Variants in PPP1R12B observed in about 807,000 individuals in gnomAD.
PPP1R12B encodes the protein protein phosphatase 1 regulatory subunit 12B.
A neutral mutation model predicts 126.1 loss-of-function variants in PPP1R12B; 76 were observed. The observed-to-expected ratio is 0.60, with a 90% CI of 0.50 to 0.73. PPP1R12B has a LOEUF of 0.73. Among genes scored for constraint, PPP1R12B ranks in the 30% least tolerant of loss-of-function variants. PPP1R12B has a pLI of 0.00. For synonymous variants in PPP1R12B, 356 were observed against 434.7 expected (o/e 0.82, Z 2.25); for missense variants, 1,052 against 1,205.1 (o/e 0.87, Z 1.88).
intron 1 of PPP1R12B, among the ~76,000 whole-genome samples, chr1:202,407,967 A>G (rs1046246137): frequency 6.6e-6 from 1 of 152,208 alleles, no homozygotes; most frequent in Non-Finnish European, 1.5e-5. Flanking sequence ...GACTATTTAC[A>G]TAGTATTTAC....
At chr1:202,553,654 T>C (rs932192914) in intron 18 of PPP1R12B, among the ~76,000 whole-genome samples, 2 of 152,158 alleles carry the variant, frequency 1.3e-5, no homozygotes, top group African/African-American at 2.4e-5. Context: ...TGCCAGAGCA[T>C]AGATAAGATG....
intron 13 of PPP1R12B, chr1:202,473,936 A>C (rs747285468): frequency 1.9e-6 from 1 of 532,930 alleles, no homozygotes; most frequent in South Asian, 1.4e-5. Context: ...TCTGCTATGC[A>C]GGCCTGCTCG....
chr1:202,512,211 G>C (rs902417131), intron 18 of PPP1R12B, among the ~76,000 whole-genome samples: 3 of 152,200 alleles, frequency 2.0e-5, no homozygotes, highest in Non-Finnish European at 4.4e-5. Context: ...TGAATCTCTT[G>C]TTGTGAAAGT....
At chr1:202,569,096 T>A (rs1037449453) in intron 22 of PPP1R12B, 51 bp from the exon 23 acceptor site, 2 of 1,587,148 alleles carry the variant, frequency 1.3e-6, no homozygotes, top group East Asian at 2.2e-5. Flanking sequence ...GCAGCATTTT[T>A]ACTCCCTTCT....
At position 202,473,000 on chromosome 1, in the gene PPP1R12B, T is replaced by C. The variant is rs1676143058; in HGVS notation, c.1851-15533T>C. Reference sequence around the variant, plus strand: ...TTGGCCCTTTACAGACAAAATTTGCTGACTTCAGCCCCTGCAAACTCAGCA... The same window carrying C: ...TTGGCCCTTTACAGACAAAATTTGCCGACTTCAGCCCCTGCAAACTCAGCA... On this transcript the variant is annotated intron_variant, in intron 13 of 23. Transcript: ENST00000608999. 3.3e-5 allele frequency among the ~76,000 whole-genome samples: 5 copies of C among 152,242 alleles called. No individual in the cohort carries two copies. The South Asian group carries it at 1.0e-3, about 31-fold the overall frequency.
intron 23 of PPP1R12B, among the ~76,000 whole-genome samples, chr1:202,570,947 A>G (rs890504326): frequency 6.6e-6 from 1 of 152,184 alleles, no homozygotes; most frequent in East Asian, 1.9e-4. Context: ...AGTGTTCCTT[A>G]TTAAGAAATG....
intron 13 of PPP1R12B, among the ~76,000 whole-genome samples, chr1:202,479,511 A>G (rs1266763665): frequency 6.6e-6 from 1 of 152,228 alleles, no homozygotes; most frequent in Admixed American, 6.5e-5. Flanking sequence ...TGAGAAACTG[A>G]ACAAGATTTT....
chr1:202,491,975 T>G (rs17492329), intron 14 of PPP1R12B, among the ~76,000 whole-genome samples: 2 of 152,080 alleles, frequency 1.3e-5, no homozygotes, highest in Non-Finnish European at 2.9e-5. Context: ...CCTCCAACTT[T>G]CCTTTTTTTG....
intron 9 of PPP1R12B, among the ~76,000 whole-genome samples, chr1:202,437,401 A>T (rs770942294): frequency 2.4e-4 from 36 of 152,190 alleles, no homozygotes; most frequent in Non-Finnish European, 4.1e-4. Flanking sequence ...ATAAGGAGGG[A>T]TTAAGCTCAT....
intron 1 of PPP1R12B, among the ~76,000 whole-genome samples, chr1:202,390,903 C>A (rs1664047880): frequency 6.6e-6 from 1 of 152,088 alleles, no homozygotes. Context: ...TCTCTACAAA[C>A]AATTTGAAAA....
Position 202,465,468 on chromosome 1 carries a change from G to A in PPP1R12B, c.1850+16297G>A, listed in dbSNP as rs181354616. 3.6e-3 allele frequency among the ~76,000 whole-genome samples: 548 copies of A among 152,302 alleles called. 2 individuals are homozygous for A. The highest frequency in any genetic ancestry group is 0.013 in the African/African-American group (525 of 41,586). ...AACTTGCTAGCCTCTCTGAAATCTA[G>A]ATGGGAAATAGGGTTTTTTTGTTTT... On this transcript the variant is annotated intron_variant, in intron 13 of 23. Coordinates refer to ENST00000608999, the MANE Select transcript of PPP1R12B (RefSeq NM_002481.4).
intron 1 of PPP1R12B, among the ~76,000 whole-genome samples, chr1:202,390,267 A>G (rs1365320236): frequency 2.0e-5 from 3 of 152,232 alleles, no homozygotes; most frequent in African/African-American, 4.8e-5. Flanking sequence ...CACACCATAC[A>G]AAAGTTAAAA....
chr1:202,501,803 A>G (rs1680252878), intron 18 of PPP1R12B: 1 of 965,710 alleles, frequency 1.0e-6, no homozygotes, highest in African/African-American at 1.8e-5. Flanking sequence ...CAAACCTGAA[A>G]TTAGGACTTA....
intron 15 of PPP1R12B, 105 bp from the exon 16 acceptor site, chr1:202,495,188 C>T: frequency 2.2e-6 from 2 of 913,498 alleles, no homozygotes; most frequent in South Asian, 5.3e-5. Context: ...TCATCATCTA[C>T]TCATAAGCCC....
intron 12 of PPP1R12B, 94 bp downstream of exon 12, chr1:202,442,666 G>A (rs537624460): frequency 1.2e-5 from 15 of 1,278,352 alleles, no homozygotes; most frequent in Admixed American, 2.8e-5. Context: ...AATTAACACC[G>A]CAGAAATGAA....
intron 18 of PPP1R12B, among the ~76,000 whole-genome samples, chr1:202,538,103 G>A (rs941920233): frequency 6.6e-6 from 1 of 152,196 alleles, no homozygotes; most frequent in Non-Finnish European, 1.5e-5. Flanking sequence ...TGATTCTCCT[G>A]CCTCAGCCTC....
chr1:202,394,844 T>G (rs1390180290), intron 1 of PPP1R12B, among the ~76,000 whole-genome samples: 1 of 151,716 alleles, frequency 6.6e-6, no homozygotes, highest in African/African-American at 2.4e-5. Flanking sequence ...CAATTTGGGC[T>G]GGACCTGGTG....
chr1:202,533,527 C>T (rs544290795), intron 18 of PPP1R12B, among the ~76,000 whole-genome samples: 2 of 152,130 alleles, frequency 1.3e-5, no homozygotes, highest in South Asian at 4.2e-4. Flanking sequence ...TGACATTGCC[C>T]AGGCTAATCT....
In PPP1R12B at chr1:202,586,061, T is replaced by A. The variant is rs986377289; in HGVS notation, c.*5501T>A. 6.6e-6 allele frequency: 1 copy of A among 152,244 alleles called. No individual in the cohort carries two copies. The highest frequency in any genetic ancestry group is 1.5e-5 in the Non-Finnish European group (1 of 68,038). 9.4% of individuals were successfully genotyped at this position (152,244 alleles called of 1,614,324 possible). The stretch of plus-strand genomic sequence containing the variant: ...TTTCCTCGACAAGAACCTCAATCTT[T>A]AGTTCCATTGAGCTCCCCCTCTGGA... On this transcript the variant is annotated 3_prime_UTR_variant, in exon 24 of 24. Coordinates refer to ENST00000608999, the MANE Select transcript of PPP1R12B (RefSeq NM_002481.4).
Sources: allele counts gnomAD v4.1 joint callset (sites outside exome capture counted in the v4.1 genomes callset), GRCh38; gene constraint gnomAD v4.1.1; transcripts MANE v1.5; gene names NCBI Gene and HGNC (gene_info 2026-07-23, HGNC 2026-07-21).